Variants in NRCAM observed in about 807,000 individuals in gnomAD.
NRCAM encodes NgCAM-related cell adhesion molecule.
A neutral mutation model predicts 156.5 loss-of-function variants in NRCAM; 83 were observed. The observed-to-expected ratio is 0.53, with a 90% CI of 0.44 to 0.64. NRCAM has a LOEUF of 0.64. Ranked by LOEUF, NRCAM falls within the 30% of genes least tolerant of loss-of-function variation. The pLI is 0.00. For missense variants in NRCAM, 1,417 were observed against 1,597.3 expected, an observed-to-expected ratio of 0.89 and a Z score of 1.92; for synonymous variants, 538 against 563.9, an observed-to-expected ratio of 0.95 and a Z score of 0.65.
Position 108,149,570 on chromosome 7 carries a change from C to T in NRCAM, c.*340G>A, listed in dbSNP as rs145255825. The T allele has an allele frequency of 3.3e-5, 8 of 244,128 alleles. No homozygotes were observed. Among genetic ancestry groups the T allele is most frequent in the African/African-American group, 6.8e-5 (3 of 44,374 alleles). 15.1% of individuals were successfully genotyped at this position (244,128 alleles called of 1,614,324 possible). ...TCAAACCATGTTTTCATAACATACACGGGTATGTCCTTTAAATGTGGAGCA... is the reference window on the plus strand; with the variant it reads ...TCAAACCATGTTTTCATAACATACATGGGTATGTCCTTTAAATGTGGAGCA... On this transcript the variant is annotated 3_prime_UTR_variant, in exon 33 of 33. Coordinates refer to ENST00000379028, the MANE Select transcript of NRCAM (RefSeq NM_001037132.4).
chr7:108,283,204 G>A (rs560740376), intron 3 of NRCAM, among the ~76,000 whole-genome samples: 3 of 152,328 alleles, frequency 2.0e-5, no homozygotes, highest in African/African-American at 7.2e-5. Context: ...GTTGGTTTTA[G>A]AATTCTTCAG....
At chr7:108,229,532 T>C (rs1197887247) in intron 8 of NRCAM, among the ~76,000 whole-genome samples, 1 of 152,210 alleles carries the variant, frequency 6.6e-6, no homozygotes, top group Non-Finnish European at 1.5e-5. Context: ...TTTGCTGATT[T>C]CTCCATGAGT....
intron 3 of NRCAM, among the ~76,000 whole-genome samples, chr7:108,248,661 C>T (rs1359056830): frequency 2.0e-5 from 3 of 152,158 alleles, no homozygotes; most frequent in Non-Finnish European, 4.4e-5. Flanking sequence ...GCTGCCAACT[C>T]AACAAATGTC....
At chr7:108,230,503 C>T (rs138999219) in intron 8 of NRCAM, among the ~76,000 whole-genome samples, 35 of 152,252 alleles carry the variant, frequency 2.3e-4, no homozygotes, top group African/African-American at 8.4e-4. Context: ...AGCCAAAGTC[C>T]TTTCCATTGA....
intron 3 of NRCAM, among the ~76,000 whole-genome samples, chr7:108,281,581 C>CT (rs1426533674): frequency 6.6e-6 from 1 of 152,176 alleles, no homozygotes; most frequent in East Asian, 1.9e-4. Context: ...GCAGAGGGGT[C>CT]TAGCTGGCTG....
Position 108,336,938 on chromosome 7 carries a change from T to C in NRCAM, c.-173-24207A>G, listed in dbSNP as rs570065247. Among the ~76,000 whole-genome samples, 8 of 152,256 alleles carry C rather than the reference T, an allele frequency of 5.3e-5. No homozygotes were observed. In the South Asian group the frequency reaches 1.5e-3, roughly 28 times the overall value. ...AGTTATTGATAAGAGCAAGTAATAG[T>C]AAAAATAAATGTATTTTGCATTATA... On this transcript the variant is annotated intron_variant, in intron 2 of 32. Coordinates refer to ENST00000379028, the MANE Select transcript of NRCAM (RefSeq NM_001037132.4).
chr7:108,160,555 C>A, intron 30 of NRCAM, 63 bp from the exon 31 acceptor site: 1 of 1,487,694 alleles, frequency 6.7e-7, no homozygotes, highest in Non-Finnish European at 9.0e-7. Flanking sequence ...CTGCTGCAGT[C>A]TCTCAGAGTA....
At chr7:108,243,161 A>G (rs2153820804) in intron 3 of NRCAM, 1 of 152,248 alleles carries the variant, frequency 6.6e-6, no homozygotes, top group East Asian at 1.9e-4. Context: ...TTAGCCACAA[A>G]TCGTCTCTAG....
In NRCAM at chr7:108,377,196, T is replaced by C. The variant is rs144491073; in HGVS notation, c.-174+22240A>G. ...GAATGGAACATACAGACTGAAAATA[T>C]ATCTGCATATTGTATTCTTGAAACA... On this transcript the variant is annotated intron_variant, in intron 2 of 32. Coordinates refer to ENST00000379028, the MANE Select transcript of NRCAM (RefSeq NM_001037132.4). Among the ~76,000 whole-genome samples, 885 of 152,220 alleles carry C rather than the reference T, an allele frequency of 5.8e-3. 10 individuals carry two copies. Among genetic ancestry groups the C allele is most frequent in the African/African-American group, 0.021 (853 of 41,542 alleles).
chr7:108,411,778 G>A (rs1447821201), intron 1 of NRCAM, among the ~76,000 whole-genome samples: 2 of 151,990 alleles, frequency 1.3e-5, no homozygotes, highest in African/African-American at 2.4e-5. Flanking sequence ...TGATCTGCCC[G>A]CCTCAGCCTT....
intron 2 of NRCAM, among the ~76,000 whole-genome samples, chr7:108,386,706 C>T (rs990252658): frequency 6.6e-6 from 1 of 152,068 alleles, no homozygotes; most frequent in Non-Finnish European, 1.5e-5. Flanking sequence ...GTTATATGTT[C>T]AGAAAAGCAT....
chr7:108,370,293 G>C (rs575509911), intron 2 of NRCAM, among the ~76,000 whole-genome samples: 13 of 152,062 alleles, frequency 8.5e-5, no homozygotes, highest in Non-Finnish European at 1.5e-4. Flanking sequence ...GTTAGGCTTC[G>C]GGTGCATTCT....
intron 3 of NRCAM, among the ~76,000 whole-genome samples, chr7:108,257,579 AGTG>A (rs568462686): frequency 7.8e-4 from 119 of 152,354 alleles, no homozygotes; most frequent in African/African-American, 2.7e-3. Context: ...TTATTGAAAG[AGTG>A]GTTTTAAGAG....
intron 7 of NRCAM, among the ~76,000 whole-genome samples, chr7:108,231,401 ACT>A (rs528106670): frequency 1.4e-3 from 211 of 152,330 alleles, no homozygotes; most frequent in Non-Finnish European, 2.2e-3. Context: ...GAGAATTTAT[ACT>A]ACATACATCA....
intron 2 of NRCAM, among the ~76,000 whole-genome samples, chr7:108,326,858 A>G (rs779466783): frequency 3.9e-5 from 6 of 152,168 alleles, no homozygotes; most frequent in Non-Finnish European, 8.8e-5. Context: ...GGACAAGAGA[A>G]AGCAGCCCTG....
chr7:108,400,708 C>A (rs369341968), intron 1 of NRCAM, among the ~76,000 whole-genome samples: 1 of 152,014 alleles, frequency 6.6e-6, no homozygotes, highest in East Asian at 1.9e-4. Flanking sequence ...ATAAATAGTT[C>A]CCATTTTCAG....
chr7:108,411,707 A>G (rs910766147), intron 1 of NRCAM, among the ~76,000 whole-genome samples: 1 of 151,860 alleles, frequency 6.6e-6, no homozygotes, highest in African/African-American at 2.4e-5. Flanking sequence ...TTTTTTTTGT[A>G]TTTTTAGTAG....
At chr7:108,275,282 T>C (rs1252503445) in intron 3 of NRCAM, among the ~76,000 whole-genome samples, 1 of 152,226 alleles carries the variant, frequency 6.6e-6, no homozygotes, top group Admixed American at 6.5e-5. Context: ...TCCCTCTTTT[T>C]CTACTGATCG....
intron 3 of NRCAM, among the ~76,000 whole-genome samples, chr7:108,240,958 C>T (rs991911460): frequency 6.6e-6 from 1 of 152,080 alleles, no homozygotes; most frequent in African/African-American, 2.4e-5. Flanking sequence ...CTTCGATATG[C>T]CTCAAATTTT....
Sources: gnomAD v4.1 joint callset for allele counts (sites outside exome capture counted in the v4.1 genomes callset) on GRCh38, gnomAD v4.1.1 for gene constraint, MANE v1.5 for transcripts, NCBI Gene and HGNC (gene_info 2026-07-23, HGNC 2026-07-21) for gene names.